The following BCL2L13 variants were observed in gnomAD, a reference collection of about 807,000 sequenced individuals.
BCL2L13 encodes the protein bcl-2-like protein 13.
Under a neutral mutation model 25.8 loss-of-function variants are expected in BCL2L13, and 13 were observed. The ratio of observed to expected loss-of-function variants is 0.50; its 90% CI spans 0.33 to 0.80. The LOEUF (loss-of-function observed/expected upper bound fraction) is 0.80, where lower values mean the gene tolerates loss of function less well. BCL2L13 is among the 30% of genes least tolerant of loss of function. The pLI is 0.02. For synonymous variants in BCL2L13, 244 were observed against 230.3 expected, an observed-to-expected ratio of 1.06 and a Z score of -0.54; for missense variants, 504 against 574.9, an observed-to-expected ratio of 0.88 and a Z score of 1.26.
chr22:17,683,621 T>G (rs1327053351), intron 3 of BCL2L13, among the ~76,000 whole-genome samples: 1 of 152,162 alleles, frequency 6.6e-6, no homozygotes, highest in Non-Finnish European at 1.5e-5. Flanking sequence ...GATTTGTATT[T>G]AGTATTACCT....
chr22:17,669,253 C>CA (rs1341175353), intron 2 of BCL2L13, among the ~76,000 whole-genome samples: 2 of 152,002 alleles, frequency 1.3e-5, no homozygotes, highest in Non-Finnish European at 2.9e-5. Context: ...AGGATGGTCT[C>CA]AATCTCCTGA....
In BCL2L13 at chr22:17,656,332, ATTCTTTTTTTTTT is replaced by A. The variant is rs1568935141; in HGVS notation, c.121+503_121+515del. 7.1e-5 allele frequency among the ~76,000 whole-genome samples: 5 copies of A among 70,436 alleles called. No individual in the cohort carries two copies. In the South Asian group the frequency reaches 2.3e-3, roughly 33 times the overall value. The allele number at this position is 70,436 out of a possible 152,430, so 46.2% of individuals were successfully genotyped here. ...AAACAAAAGTATTTTTTTTCATTTT[ATTCTTTTTTTTTT>A]TTTTTTTTTTTTTTTTTTTTTTTGG... On this transcript the variant is annotated intron_variant, in intron 2 of 6. Coordinates refer to ENST00000317582, the MANE Select transcript of BCL2L13 (RefSeq NM_015367.4).
At chr22:17,701,841 T>C (rs1199229221) in intron 5 of BCL2L13, among the ~76,000 whole-genome samples, 5 of 150,348 alleles carry the variant, frequency 3.3e-5, no homozygotes, top group Non-Finnish European at 7.4e-5. Flanking sequence ...AGAGAATCGC[T>C]TGAACCTGGG....
At chr22:17,685,760 C>CTTTTTCTTTTTCTTTTTTTTTTTTTTTTT (rs1284074134) in intron 3 of BCL2L13, among the ~76,000 whole-genome samples, 1 of 60,520 alleles carries the variant, frequency 1.7e-5, no homozygotes, top group African/African-American at 6.3e-5. Flanking sequence ...TTTTCTTTTT[C>CTTTTTCTTTTTCTTTTTTTTTTTTTTTTT]TTTTTTTTTT....
chr22:17,630,223 A>G (rs2057979088), intron 1 of BCL2L13, among the ~76,000 whole-genome samples: 1 of 144,754 alleles, frequency 6.9e-6, no homozygotes. Flanking sequence ...GTCTCAAAAA[A>G]ACAAAAAAAA....
chr22:17,676,839 ATGAGAATT>A (rs1316155092), intron 2 of BCL2L13, among the ~76,000 whole-genome samples: 1 of 152,262 alleles, frequency 6.6e-6, no homozygotes, highest in African/African-American at 2.4e-5. Context: ...TTTATGCTTT[ATGAGAATT>A]TATAAAGATT....
intron 6 of BCL2L13, among the ~76,000 whole-genome samples, chr22:17,704,722 G>A (rs2060539152): frequency 1.3e-5 from 2 of 152,138 alleles, no homozygotes; most frequent in Admixed American, 1.3e-4. Flanking sequence ...TAGTTGAGCA[G>A]CTCTGGGGGA....
At chr22:17,652,082 T>C (rs1343813350) in intron 1 of BCL2L13, among the ~76,000 whole-genome samples, 4 of 152,164 alleles carry the variant, frequency 2.6e-5, no homozygotes, top group African/African-American at 4.8e-5. Flanking sequence ...CTCCTCAACT[T>C]ATGGTGGGGT....
chr22:17,720,655 G>A (rs1043023687), intron 6 of BCL2L13, among the ~76,000 whole-genome samples: 1 of 150,098 alleles, frequency 6.7e-6, no homozygotes, highest in Non-Finnish European at 1.5e-5. Context: ...GTGAGCCACC[G>A]TGCCCGGCCT....
intron 3 of BCL2L13, chr22:17,684,703 A>G (rs1356478276): frequency 2.4e-6 from 1 of 408,896 alleles, no homozygotes; most frequent in South Asian, 1.7e-5. Flanking sequence ...AGCCAGGATT[A>G]CAGGTATGTG....
chr22:17,681,545 A>G (rs1195619946), intron 2 of BCL2L13, among the ~76,000 whole-genome samples: 1 of 151,910 alleles, frequency 6.6e-6, no homozygotes, highest in Non-Finnish European at 1.5e-5. Flanking sequence ...AAGAGTTTAA[A>G]CCAAGGCTTA....
chr22:17,706,270 A>C (rs2060587757), intron 6 of BCL2L13, among the ~76,000 whole-genome samples: 1 of 151,346 alleles, frequency 6.6e-6, no homozygotes. Flanking sequence ...TTGGCCTCCC[A>C]AAGTGCTGGG....
At chr22:17,648,040 GA>G (rs2058554886) in intron 1 of BCL2L13, among the ~76,000 whole-genome samples, 1 of 151,650 alleles carries the variant, frequency 6.6e-6, no homozygotes, top group South Asian at 2.1e-4. Context: ...TGAGGTAGGA[GA>G]ATCGCTTGAA....
chr22:17,687,818 C>CTTT lies in BCL2L13; in HGVS notation c.230-1154_230-1152dup, dbSNP rs368432610. Among the ~76,000 whole-genome samples the CTTT allele has an allele frequency of 7.1e-4, 93 of 130,698 alleles. 1 individual carries two copies. The highest frequency in any genetic ancestry group is 2.5e-3 in the Admixed American group (31 of 12,562). 85.7% of individuals were successfully genotyped at this position (130,698 alleles called of 152,430 possible). A position where few individuals can be genotyped will look rare whatever the true frequency, so the allele number is the denominator to read the frequency against. On this transcript the variant is annotated intron_variant, in intron 3 of 6. Coordinates refer to ENST00000317582, the MANE Select transcript of BCL2L13 (RefSeq NM_015367.4). ...AGGCGTGAGCCACCGCACCCGGCCC[C>CTTT]TTTTTTTTTTTTTTTTGAGAAGGAG...
At chr22:17,632,289 T>C (rs2058043690) in intron 1 of BCL2L13, among the ~76,000 whole-genome samples, 1 of 152,130 alleles carries the variant, frequency 6.6e-6, no homozygotes, top group Non-Finnish European at 1.5e-5. Flanking sequence ...TACATATTGG[T>C]ATATATATTT....
At chr22:17,685,639 T>C (rs527584493) in intron 3 of BCL2L13, among the ~76,000 whole-genome samples, 1 of 152,286 alleles carries the variant, frequency 6.6e-6, no homozygotes, top group African/African-American at 2.4e-5. Flanking sequence ...TGTTTATTCA[T>C]TCATTAGTTA....
chr22:17,726,758 C>A lies in BCL2L13; in HGVS notation c.682C>A (p.Pro228Thr), dbSNP rs199666992. The change falls in exon 7 of 7, where the codon CCC becomes ACC. Residue 228 changes from proline (P) to threonine (T), a missense_variant. Coordinates refer to ENST00000317582, the MANE Select transcript of BCL2L13 (RefSeq NM_015367.4). The stretch of plus-strand genomic sequence containing the variant: ...AGATAGCAATGACATTTACATCCTG[C>A]CCAGCGACAACTCTGGACAAGTCAG... Reference protein sequence around the residue: ...AEDSNDIYILPSDNSGQVSPP... With the variant: ...AEDSNDIYILTSDNSGQVSPP... The A allele has an allele frequency of 4.6e-5, 75 of 1,614,072 alleles. No individual in the cohort carries two copies. Among genetic ancestry groups the A allele is most frequent in the Non-Finnish European group, 6.3e-5 (74 of 1,180,048 alleles).
intron 2 of BCL2L13, among the ~76,000 whole-genome samples, chr22:17,672,645 G>A (rs73378703): frequency 0.053 from 8,093 of 152,264 alleles, 353 homozygotes; most frequent in African/African-American, 0.12. Context: ...TAAATAAATA[G>A]CCTTTGTGTC....
At chr22:17,683,146 A>AAT in intron 2 of BCL2L13, 68 bp from the exon 3 acceptor site, 1 of 916,546 alleles carries the variant, frequency 1.1e-6, no homozygotes. Flanking sequence ...AAAAAAAAAA[A>AAT]AAGTGCTATT....
Sources: allele counts gnomAD v4.1 joint callset (sites outside exome capture counted in the v4.1 genomes callset), GRCh38; gene constraint gnomAD v4.1.1; transcripts MANE v1.5; gene names NCBI Gene and HGNC (gene_info 2026-07-23, HGNC 2026-07-21).